MSRB3: variants seen among roughly 807,000 people sequenced by gnomAD.
MSRB3 encodes the protein methionine-R-sulfoxide reductase B3.
In MSRB3, 13 loss-of-function variants were observed where a neutral mutation model predicts 21.0. The ratio of observed to expected loss-of-function variants is 0.62; its 90% CI spans 0.40 to 0.98. MSRB3 has a LOEUF of 0.98. MSRB3 is among the 50% of genes least tolerant of loss of function. The pLI is 0.00. For synonymous variants in MSRB3, 87 were observed against 88.6 expected (o/e 0.98, Z 0.10); for missense variants, 199 against 230.3 (o/e 0.86, Z 0.88).
intron 4 of MSRB3, among the ~76,000 whole-genome samples, chr12:65,330,647 C>T (rs1232268730): frequency 2.0e-5 from 3 of 152,192 alleles, no homozygotes; most frequent in Non-Finnish European, 2.9e-5. Context: ...ATACCTTTCA[C>T]CCAGCCCAAA....
At chr12:65,299,804 A>T (rs1873201535) in intron 1 of MSRB3, among the ~76,000 whole-genome samples, 2 of 152,050 alleles carry the variant, frequency 1.3e-5, no homozygotes, top group Non-Finnish European at 2.9e-5. Flanking sequence ...GTTGCTATAT[A>T]GTTTTTGTTT....
intron 5 of MSRB3, among the ~76,000 whole-genome samples, chr12:65,446,346 C>T (rs1218990766): frequency 6.6e-6 from 1 of 152,222 alleles, no homozygotes; most frequent in African/African-American, 2.4e-5. Context: ...AACCCATAAT[C>T]CGTTTTTAGC....
rs1876734282 is a variant in MSRB3, at chr12:65,348,958, G to A, written c.264-20040G>A. On this transcript the variant is annotated intron_variant, in intron 4 of 6. Transcript: ENST00000308259. ...GTTTTAGGGTACATGTGCACAATGT[G>A]CAGGTTAGTTACATATGTATACATG... 1.3e-5 allele frequency among the ~76,000 whole-genome samples: 2 copies of A among 152,104 alleles called. 1 individual carries two copies. Among genetic ancestry groups the A allele is most frequent in the African/African-American group, 4.8e-5 (2 of 41,500 alleles).
At chr12:65,337,116 G>A (rs1034802545) in intron 4 of MSRB3, among the ~76,000 whole-genome samples, 1 of 152,080 alleles carries the variant, frequency 6.6e-6, no homozygotes, top group Admixed American at 6.5e-5. Flanking sequence ...AGTGGCGGGC[G>A]CCTGTAGTCC....
intron 4 of MSRB3, among the ~76,000 whole-genome samples, chr12:65,346,958 T>A (rs911093454): frequency 6.6e-6 from 1 of 152,192 alleles, no homozygotes; most frequent in African/African-American, 2.4e-5. Flanking sequence ...TCTGTTTTGG[T>A]ACCAGTGCCA....
Position 65,328,558 on chromosome 12 carries a change from A to G in MSRB3, c.218A>G (p.Asp73Gly), listed in dbSNP as rs1332452601. 6.2e-7 allele frequency: 1 copy of G among 1,612,664 alleles called. No individual in the cohort carries two copies. The highest frequency in any genetic ancestry group is 1.3e-5 in the African/African-American group (1 of 75,018). The change falls in exon 4 of 7, where the codon GAT becomes GGT. Residue 73 changes from aspartate to glycine, a missense_variant. By Grantham distance (94) the Asp-to-Gly change is moderately conservative (BLOSUM62 -1). Coordinates refer to ENST00000308259, the MANE Select transcript of MSRB3 (RefSeq NM_001031679.3). Reference sequence around the variant, plus strand: ...GAAGGAGAATACACACATCACAAAGATCCTGGAATATATAAATGTGTTGTT... The same window carrying G: ...GAAGGAGAATACACACATCACAAAGGTCCTGGAATATATAAATGTGTTGTT... ...AFEGEYTHHK[D>G]PGIYKCVVCG... is the part of the protein sequence containing the mutation.
chr12:65,431,119 T>C (rs1494503), intron 5 of MSRB3, among the ~76,000 whole-genome samples: 150,302 of 152,106 alleles, frequency 0.99, 74,293 homozygotes, highest in Middle Eastern at 1. Context: ...AAAGAATTTC[T>C]GGTGTCTGAT....
Position 65,416,867 on chromosome 12 carries a change from C to G in MSRB3, c.293-36861C>G, listed in dbSNP as rs542996571. The stretch of plus-strand genomic sequence containing the variant: ...AAGGCCTACAGTTGCCCTTCTATTG[C>G]CAACTCGATAGTGTGTAGCCTTGGA... On this transcript the variant is annotated intron_variant, in intron 5 of 6. Transcript: ENST00000308259. Among the ~76,000 whole-genome samples, 40 of 152,254 alleles carry G rather than the reference C, an allele frequency of 2.6e-4. No homozygotes were observed. The South Asian group carries it at 7.3e-3, about 28-fold the overall frequency.
intron 5 of MSRB3, among the ~76,000 whole-genome samples, chr12:65,408,811 T>C: frequency 6.6e-6 from 1 of 152,190 alleles, no homozygotes; most frequent in East Asian, 1.9e-4. Flanking sequence ...TTCTCTGAGA[T>C]TGATTAGGCT....
At chr12:65,301,138 T>C (rs1383241056) in intron 1 of MSRB3, among the ~76,000 whole-genome samples, 1 of 152,092 alleles carries the variant, frequency 6.6e-6, no homozygotes, top group Admixed American at 6.6e-5. Flanking sequence ...ACAGTACAGG[T>C]GCTCAAAAAT....
At chr12:65,364,366 C>T (rs1243369974) in intron 4 of MSRB3, among the ~76,000 whole-genome samples, 1 of 152,122 alleles carries the variant, frequency 6.6e-6, no homozygotes, top group East Asian at 1.9e-4. Context: ...TATTGGAAGG[C>T]AGTAACATTC....
intron 1 of MSRB3, among the ~76,000 whole-genome samples, chr12:65,298,731 C>T (rs1399859203): frequency 2.0e-5 from 3 of 152,144 alleles, no homozygotes; most frequent in African/African-American, 7.2e-5. Context: ...AATTCAGATA[C>T]AAGAGCAGAT....
chr12:65,429,169 A>G (rs1456467493), intron 5 of MSRB3, among the ~76,000 whole-genome samples: 1 of 152,156 alleles, frequency 6.6e-6, no homozygotes, highest in Admixed American at 6.5e-5. Flanking sequence ...AAATGGGATG[A>G]TATTTGATAG....
At chr12:65,376,371 G>T (rs1444437139) in intron 5 of MSRB3, among the ~76,000 whole-genome samples, 1 of 152,034 alleles carries the variant, frequency 6.6e-6, no homozygotes, top group Non-Finnish European at 1.5e-5. Context: ...CGCCCGCCTC[G>T]GCCTCCCAAA....
At position 65,331,976 on chromosome 12, in the gene MSRB3, G is replaced by C. The variant is rs77661042; in HGVS notation, c.263+3373G>C. Among the ~76,000 whole-genome samples the C allele has an allele frequency of 5.1e-3, 778 of 152,316 alleles. 5 individuals carry two copies. Among genetic ancestry groups the C allele is most frequent in the Middle Eastern group, 0.01 (3 of 294 alleles). The stretch of plus-strand genomic sequence containing the variant: ...AAGCAAGCATCCTGAAACCAGAAAG[G>C]AAAGGGCTTTTGCTCCTGGAGTCTG... On this transcript the variant is annotated intron_variant, in intron 4 of 6. Coordinates refer to ENST00000308259, the MANE Select transcript of MSRB3 (RefSeq NM_001031679.3).
intron 5 of MSRB3, among the ~76,000 whole-genome samples, chr12:65,371,683 T>C (rs1191181920): frequency 6.6e-6 from 1 of 152,020 alleles, no homozygotes; most frequent in Non-Finnish European, 1.5e-5. Context: ...CCGCACAACA[T>C]TTTTAGTTTA....
chr12:65,352,559 A>G (rs1357229778), intron 4 of MSRB3, among the ~76,000 whole-genome samples: 1 of 151,936 alleles, frequency 6.6e-6, no homozygotes. Context: ...GTATATCTAG[A>G]AAACCCCATT....
intron 5 of MSRB3, among the ~76,000 whole-genome samples, chr12:65,451,099 TCCA>T (rs1882838926): frequency 6.6e-6 from 1 of 152,192 alleles, no homozygotes; most frequent in South Asian, 2.1e-4. Flanking sequence ...TGAAATGCGT[TCCA>T]CCACAGTGAG....
intron 2 of MSRB3, among the ~76,000 whole-genome samples, chr12:65,323,989 T>C (rs957769796): frequency 6.6e-6 from 1 of 152,204 alleles, no homozygotes; most frequent in Admixed American, 6.5e-5. Context: ...TATTTCCTTT[T>C]GGTATTAGAT....
Sources: gnomAD v4.1 joint callset for allele counts (sites outside exome capture counted in the v4.1 genomes callset) on GRCh38, gnomAD v4.1.1 for gene constraint, MANE v1.5 for transcripts, NCBI Gene and HGNC (gene_info 2026-07-23, HGNC 2026-07-21) for gene names.